KPNA6: variants seen among roughly 807,000 people sequenced by gnomAD.
The protein encoded by KPNA6 is karyopherin subunit alpha 6.
Under a neutral mutation model 72.0 loss-of-function variants are expected in KPNA6, and 9 were observed. The ratio of observed to expected loss-of-function variants is 0.13; its 90% CI spans 0.08 to 0.22. KPNA6 has a LOEUF of 0.22. Ranked by LOEUF, KPNA6 falls within the 10% of genes least tolerant of loss-of-function variation. The pLI, the probability that KPNA6 is intolerant of heterozygous loss-of-function variation, is 1.00. For missense variants in KPNA6, 374 were observed against 655.7 expected (o/e 0.57, Z 4.69); for synonymous variants, 219 against 242.1 (o/e 0.90, Z 0.89).
chr1:32,124,802 C>T (rs549808718), intron 1 of KPNA6, among the ~76,000 whole-genome samples: 3 of 142,130 alleles, frequency 2.1e-5, no homozygotes, highest in Non-Finnish European at 4.6e-5. Flanking sequence ...CCAACGTGTT[C>T]GGCCGGCCTC....
intron 1 of KPNA6, among the ~76,000 whole-genome samples, chr1:32,151,082 C>T (rs1642024461): frequency 6.6e-6 from 1 of 152,160 alleles, no homozygotes; most frequent in Non-Finnish European, 1.5e-5. Context: ...GCATGAGCCA[C>T]CATGCCTGGC....
rs566897215 is a variant in KPNA6 at position 32,142,127 on chromosome 1, G to A, written c.5-12461G>A. On this transcript the variant is annotated intron_variant, in intron 1 of 13. Coordinates refer to ENST00000373625, the MANE Select transcript of KPNA6 (RefSeq NM_012316.5). ...AAAAATTAGCCAGGCGTGCTGGCCC[G>A]CACCTGTAATCCCAGCTACTCAGGA... is the stretch of plus-strand genomic sequence containing the variant. Among the ~76,000 whole-genome samples, 263 of 151,848 alleles carry A rather than the reference G, an allele frequency of 1.7e-3. 2 individuals are homozygous for A. The highest frequency in any genetic ancestry group is 2.9e-3 in the Non-Finnish European group (199 of 67,922).
intron 1 of KPNA6, among the ~76,000 whole-genome samples, chr1:32,114,058 A>G (rs143075420): frequency 3.3e-5 from 5 of 152,264 alleles, no homozygotes; most frequent in African/African-American, 1.2e-4. Flanking sequence ...ATGTTTTTAT[A>G]AGACCTGAAA....
chr1:32,157,283 TTA>T, intron 3 of KPNA6, 61 bp from the exon 4 acceptor site: 1 of 1,261,638 alleles, frequency 7.9e-7, no homozygotes, highest in South Asian at 1.2e-5. Flanking sequence ...CCAAGCAGTA[TTA>T]TGTGCTCACA....
At chr1:32,114,534 A>T (rs1009697033) in intron 1 of KPNA6, among the ~76,000 whole-genome samples, 1 of 152,030 alleles carries the variant, frequency 6.6e-6, no homozygotes, top group Non-Finnish European at 1.5e-5. Flanking sequence ...TTTATAAAGC[A>T]TAAACACAGT....
At position 32,166,705 on chromosome 1, in the gene KPNA6, G is replaced by A. The variant is rs1191596037; in HGVS notation, c.1117-464G>A. 5.3e-5 allele frequency among the ~76,000 whole-genome samples: 8 copies of A among 150,036 alleles called. No individual in the cohort carries two copies. The East Asian group carries it at 1.2e-3, about 22-fold the overall frequency. The stretch of plus-strand genomic sequence containing the variant: ...AGCACTTTGGGAGGCTGAGGTGGGC[G>A]GATCACAAGGTCAGGAGATCAAGAC... On this transcript the variant is annotated intron_variant, in intron 11 of 13. Coordinates refer to ENST00000373625, the MANE Select transcript of KPNA6 (RefSeq NM_012316.5).
intron 1 of KPNA6, among the ~76,000 whole-genome samples, chr1:32,123,403 A>T (rs1347524108): frequency 6.6e-6 from 1 of 152,086 alleles, no homozygotes; most frequent in Non-Finnish European, 1.5e-5. Flanking sequence ...TTTATACATA[A>T]GAGTAAGTGT....
intron 1 of KPNA6, among the ~76,000 whole-genome samples, chr1:32,131,683 C>CGT (rs1553127485): frequency 1.4e-5 from 2 of 147,990 alleles, no homozygotes; most frequent in African/African-American, 2.5e-5. Context: ...GTTGTGTGTG[C>CGT]GTGTGTATAT....
chr1:32,132,253 G>A (rs1278623637), intron 1 of KPNA6, among the ~76,000 whole-genome samples: 1 of 152,056 alleles, frequency 6.6e-6, no homozygotes, highest in Non-Finnish European at 1.5e-5. Flanking sequence ...TTACAGGTAT[G>A]AGTCACCATG....
At chr1:32,150,876 C>T (rs192909031) in intron 1 of KPNA6, among the ~76,000 whole-genome samples, 1 of 152,134 alleles carries the variant, frequency 6.6e-6, no homozygotes, top group Non-Finnish European at 1.5e-5. Context: ...CCGCCCACCT[C>T]GGCCTCCCAA....
chr1:32,169,475 C>G (rs1642396937), intron 12 of KPNA6, among the ~76,000 whole-genome samples: 2 of 147,012 alleles, frequency 1.4e-5, no homozygotes, highest in Admixed American at 1.4e-4. Flanking sequence ...GAGACGGAGT[C>G]TCACTCTGTC....
At chr1:32,158,814 C>T (rs1642188757) in intron 5 of KPNA6, among the ~76,000 whole-genome samples, 1 of 152,174 alleles carries the variant, frequency 6.6e-6, no homozygotes. Context: ...CCATCAGTTC[C>T]CTCACAGCCA....
intron 1 of KPNA6, among the ~76,000 whole-genome samples, chr1:32,150,165 C>T (rs1377844222): frequency 2.6e-5 from 3 of 114,332 alleles, no homozygotes; most frequent in Non-Finnish European, 3.4e-5. Flanking sequence ...CAGGGTCTTA[C>T]TCTATTGCCC....
chr1:32,124,540 T>A (rs965535588), intron 1 of KPNA6, among the ~76,000 whole-genome samples: 3 of 148,654 alleles, frequency 2.0e-5, no homozygotes, highest in Non-Finnish European at 3.0e-5. Context: ...AGTCTCTCGC[T>A]CTGTTGCCCA....
intron 1 of KPNA6, among the ~76,000 whole-genome samples, chr1:32,124,984 A>G (rs982975706): frequency 3.3e-5 from 5 of 151,872 alleles, no homozygotes; most frequent in African/African-American, 1.2e-4. Context: ...AGCCGGGACT[A>G]CCGGCGCATG....
intron 10 of KPNA6, among the ~76,000 whole-genome samples, chr1:32,164,209 C>T (rs542088712): frequency 6.6e-6 from 1 of 152,194 alleles, no homozygotes; most frequent in South Asian, 2.1e-4. Flanking sequence ...CTTTAAAATT[C>T]GTTCATGTTG....
intron 1 of KPNA6, among the ~76,000 whole-genome samples, chr1:32,147,645 CTTTTCTTTTTTTT>C (rs1641952802): frequency 9.2e-6 from 1 of 108,228 alleles, no homozygotes; most frequent in Non-Finnish European, 1.9e-5. Flanking sequence ...TTCGTGATTT[CTTTTCTTTTTTTT>C]TTTTTTTTTT....
chr1:32,129,170 T>C (rs1443821795), intron 1 of KPNA6, among the ~76,000 whole-genome samples: 1 of 143,602 alleles, frequency 7.0e-6, no homozygotes, highest in Non-Finnish European at 1.5e-5. Flanking sequence ...TTTTTCTTTC[T>C]TTTTTTTTTT....
chr1:32,114,007 A>G (rs2124520061), intron 1 of KPNA6, among the ~76,000 whole-genome samples: 1 of 152,284 alleles, frequency 6.6e-6, no homozygotes, highest in East Asian at 1.9e-4. Flanking sequence ...AACTTCTTCC[A>G]AACTCTTATT....
Sources: allele counts gnomAD v4.1 joint callset (sites outside exome capture counted in the v4.1 genomes callset), GRCh38; gene constraint gnomAD v4.1.1; transcripts MANE v1.5; gene names NCBI Gene and HGNC (gene_info 2026-07-23, HGNC 2026-07-21).